Variants in NXPE2 observed in about 807,000 individuals in gnomAD.
NXPE2 encodes the protein neurexophilin and PC-esterase domain family member 2.
NXPE2 carries 34 observed loss-of-function variants against 34.4 expected under a neutral mutation model. That is an observed-to-expected ratio of 0.99 (90% CI 0.75 to 1.31). The LOEUF (loss-of-function observed/expected upper bound fraction) is 1.31, where lower values mean the gene tolerates loss of function less well. Ranked by LOEUF, NXPE2 falls within the 40% of genes most tolerant of loss-of-function variation. The pLI is 0.00. For missense variants in NXPE2, 649 were observed against 672.5 expected (o/e 0.97, Z 0.39); for synonymous variants, 235 against 231.3 (o/e 1.02, Z -0.15).
At chr11:114,789,959 G>A in the NXPE2 span, among the ~76,000 whole-genome samples, 3 of 152,188 alleles carry the variant, frequency 2.0e-5, no homozygotes, top group African/African-American at 4.8e-5. Flanking sequence ...GCTGATGGAC[G>A]AATTCAGAGA....
the NXPE2 span, among the ~76,000 whole-genome samples, chr11:114,789,159 T>C: frequency 2.0e-5 from 3 of 152,346 alleles, no homozygotes; most frequent in East Asian, 5.8e-4. Flanking sequence ...ACTTGAAGAT[T>C]GCTAAGAGAG....
the NXPE2 span, among the ~76,000 whole-genome samples, chr11:114,741,053 T>C: frequency 6.6e-6 from 1 of 152,210 alleles, no homozygotes; most frequent in Non-Finnish European, 1.5e-5. Flanking sequence ...GGAAAGTCTT[T>C]ATCTCTTCCT....
chr11:114,570,832 G>T, the NXPE2 span: 2 of 715,002 alleles, frequency 2.8e-6, no homozygotes, highest in Non-Finnish European at 4.6e-6. Flanking sequence ...TAGATTCTCT[G>T]CTCTTGCTAG....
At chr11:114,601,817 A>ATGAT in the NXPE2 span, among the ~76,000 whole-genome samples, 1 of 74,732 alleles carries the variant, frequency 1.3e-5, no homozygotes, top group African/African-American at 5.4e-5. Context: ...TTATATAATT[A>ATGAT]TATATAATAT....
At chr11:114,607,792 G>T in the NXPE2 span, among the ~76,000 whole-genome samples, 1 of 149,472 alleles carries the variant, frequency 6.7e-6, no homozygotes, top group South Asian at 2.1e-4. Flanking sequence ...ACACGGTGGA[G>T]AATAAGTGTT....
chr11:114,473,901 G>A, the NXPE2 span, among the ~76,000 whole-genome samples: 2 of 152,186 alleles, frequency 1.3e-5, no homozygotes, highest in Middle Eastern at 3.4e-3. Context: ...CTCAGAGGTT[G>A]ACAGAATATG....
chr11:114,793,904 C>G, the NXPE2 span, among the ~76,000 whole-genome samples: 1 of 152,154 alleles, frequency 6.6e-6, no homozygotes, highest in Non-Finnish European at 1.5e-5. Context: ...ATCACCATTG[C>G]AATTTACTGT....
At chr11:114,677,519 G>A (rs879266178), upstream of NXPE2, among the ~76,000 whole-genome samples, 4 of 152,054 alleles carry the variant, frequency 2.6e-5, no homozygotes, top group African/African-American at 4.8e-5. Context: ...GAGTGGGGAA[G>A]AATTGGCAGG....
the NXPE2 span, among the ~76,000 whole-genome samples, chr11:114,544,556 C>A: frequency 6.6e-6 from 1 of 152,032 alleles, no homozygotes; most frequent in Non-Finnish European, 1.5e-5. Context: ...ACAGACCTCA[C>A]AATTGACAGA....
the NXPE2 span, among the ~76,000 whole-genome samples, chr11:114,477,698 C>T: frequency 1.3e-5 from 2 of 151,592 alleles, no homozygotes; most frequent in Non-Finnish European, 2.9e-5. Flanking sequence ...AGTGAATGAA[C>T]CCAGACCAGG....
the NXPE2 span, among the ~76,000 whole-genome samples, chr11:114,725,992 T>TATATATATATATATAA: frequency 2.1e-4 from 29 of 140,006 alleles, no homozygotes; most frequent in African/African-American, 7.1e-4. Flanking sequence ...TATATATATA[T>TATATATATATATATAA]AAAAAGAAAA....
At chr11:114,603,844 G>A in the NXPE2 span, among the ~76,000 whole-genome samples, 1 of 151,610 alleles carries the variant, frequency 6.6e-6, no homozygotes, top group Non-Finnish European at 1.5e-5. Context: ...TGGATAATAA[G>A]TATTGCCTCC....
chr11:114,626,168 C>T, the NXPE2 span, among the ~76,000 whole-genome samples: 3 of 152,262 alleles, frequency 2.0e-5, no homozygotes, highest in Middle Eastern at 3.4e-3. Flanking sequence ...CTGGGTGGAG[C>T]CCACCACAGC....
At chr11:114,622,945 A>C in the NXPE2 span, among the ~76,000 whole-genome samples, 1 of 152,124 alleles carries the variant, frequency 6.6e-6, no homozygotes, top group African/African-American at 2.4e-5. Context: ...GTGGGTTACC[A>C]CTGTTACCCA....
the NXPE2 span, among the ~76,000 whole-genome samples, chr11:114,667,380 A>G: frequency 2.0e-5 from 3 of 152,198 alleles, no homozygotes; most frequent in Non-Finnish European, 2.9e-5. Context: ...CTGAAGTAAT[A>G]GACTTCTAAA....
chr11:114,800,770 G>A, the NXPE2 span, among the ~76,000 whole-genome samples: 1 of 140,174 alleles, frequency 7.1e-6, no homozygotes, highest in Admixed American at 7.7e-5. Context: ...TTATAACACT[G>A]TTTAAAAGAA....
chr11:114,784,192 T>C, the NXPE2 span, among the ~76,000 whole-genome samples: 1 of 152,200 alleles, frequency 6.6e-6, no homozygotes, highest in Non-Finnish European at 1.5e-5. Flanking sequence ...GTCCCACAAG[T>C]TTCTTGTAGC....
At chr11:114,628,871 C>A in the NXPE2 span, among the ~76,000 whole-genome samples, 12,883 of 151,862 alleles carry the variant, frequency 0.085, 711 homozygotes, top group Middle Eastern at 0.2. Flanking sequence ...ATACAAACTA[C>A]CATCAGAGAA....
the NXPE2 span, among the ~76,000 whole-genome samples, chr11:114,656,411 C>T: frequency 1.3e-5 from 2 of 152,100 alleles, no homozygotes; most frequent in African/African-American, 4.8e-5. Context: ...ACATTCTTCA[C>T]AGAATTAGAA....
Sources: gnomAD v4.1 joint callset for allele counts (sites outside exome capture counted in the v4.1 genomes callset) on GRCh38, gnomAD v4.1.1 for gene constraint, MANE v1.5 for transcripts, NCBI Gene and HGNC (gene_info 2026-07-23, HGNC 2026-07-21) for gene names.